The following SRRM4 variants were observed in gnomAD, a reference collection of about 807,000 sequenced individuals.
The protein encoded by SRRM4 is serine/arginine repetitive matrix protein 4.
In SRRM4, 33 loss-of-function variants were observed where a neutral mutation model predicts 68.9. The observed-to-expected ratio is 0.48, with a 90% CI of 0.36 to 0.64. SRRM4 has a LOEUF of 0.64. Ranked by LOEUF, SRRM4 falls within the 30% of genes least tolerant of loss-of-function variation. The probability of loss-of-function intolerance (pLI) is 0.00; values close to 1 mark genes in which losing one functional copy is unlikely to be tolerated. For missense variants in SRRM4, 817 were observed against 827.1 expected, an observed-to-expected ratio of 0.99 and a Z score of 0.15; for synonymous variants, 318 against 318.8, an observed-to-expected ratio of 1.00 and a Z score of 0.03.
At chr12:119,115,465 G>A (rs772076469) in intron 3 of SRRM4, among the ~76,000 whole-genome samples, 3 of 152,186 alleles carry the variant, frequency 2.0e-5, no homozygotes, top group Non-Finnish European at 2.9e-5. Context: ...TTCTGAGGCA[G>A]TATTTATAGA....
At chr12:119,115,376 A>C (rs996133178) in intron 3 of SRRM4, among the ~76,000 whole-genome samples, 4 of 152,180 alleles carry the variant, frequency 2.6e-5, no homozygotes, top group African/African-American at 4.8e-5. Flanking sequence ...ACTAGACTGA[A>C]AGCATCTCTA....
chr12:119,110,876 A>G (rs111828470), intron 2 of SRRM4, among the ~76,000 whole-genome samples: 11,725 of 152,216 alleles, frequency 0.077, 505 homozygotes, highest in Admixed American at 0.1. Context: ...AGTTGGAAAT[A>G]CAGAAATCAC....
At position 119,156,702 on chromosome 12, in the gene SRRM4, C is replaced by T. The variant is rs1398445329; in HGVS notation, c.1740C>T (p.Arg580=). 1.3e-6 allele frequency: 2 copies of T among 1,548,574 alleles called. No individual in the cohort carries two copies. The highest frequency in any genetic ancestry group is 1.7e-6 in the Non-Finnish European group (2 of 1,147,036). ...CCCGCAGCCCTAGTCCGGGCTCCCG[C>T]AGCCGGAGCCGGAGCAGGAGCCGGA... ...SSSRSPSPGS[R]SRSRSRSRSR... Residue 580 remains arginine (R), a synonymous_variant, in exon 13 of 13, where the codon CGC becomes CGT. Coordinates refer to ENST00000267260, the MANE Select transcript of SRRM4 (RefSeq NM_194286.4).
intron 1 of SRRM4, among the ~76,000 whole-genome samples, chr12:119,062,316 G>C (rs556888274): frequency 6.6e-6 from 1 of 152,194 alleles, no homozygotes; most frequent in Non-Finnish European, 1.5e-5. Flanking sequence ...TGAAGAACTA[G>C]GACATTACTG....
chr12:119,075,548 G>A (rs1487097152), intron 1 of SRRM4, among the ~76,000 whole-genome samples: 1 of 148,096 alleles, frequency 6.8e-6, no homozygotes, highest in East Asian at 2.1e-4. Flanking sequence ...AGCAATGATG[G>A]TGATGATGAT....
intron 1 of SRRM4, among the ~76,000 whole-genome samples, chr12:119,052,461 T>C (rs538590160): frequency 1.3e-5 from 2 of 152,314 alleles, no homozygotes; most frequent in East Asian, 3.9e-4. Flanking sequence ...TCCAACCAAG[T>C]ACTGGCATAG....
intron 4 of SRRM4, 107 bp from the exon 5 acceptor site, chr12:119,120,143 C>T (rs1222570722): frequency 1.4e-6 from 1 of 712,680 alleles, no homozygotes; most frequent in Non-Finnish European, 2.3e-6. Flanking sequence ...TTCCTTCCTC[C>T]TTTCTCTCCT....
chr12:118,986,536 T>C (rs1468492320), intron 1 of SRRM4, among the ~76,000 whole-genome samples: 1 of 152,114 alleles, frequency 6.6e-6, no homozygotes, highest in East Asian at 1.9e-4. Flanking sequence ...ACAGATTAGC[T>C]CTCTCCCCAC....
At chr12:119,100,495 A>G (rs1272103088) in intron 1 of SRRM4, among the ~76,000 whole-genome samples, 1 of 152,070 alleles carries the variant, frequency 6.6e-6, no homozygotes, top group African/African-American at 2.4e-5. Context: ...GCCTCAAAAA[A>G]AAAAATGTGT....
At position 119,158,726 on chromosome 12, in the gene SRRM4, T is replaced by A. The variant is rs1486575559; in HGVS notation, c.*1928T>A. 1 of 152,572 alleles carries A rather than the reference T, an allele frequency of 6.6e-6. No homozygotes were observed. Among genetic ancestry groups the A allele is most frequent in the Admixed American group, 6.5e-5 (1 of 15,284 alleles). The allele number at this position is 152,572 out of a possible 1,614,324, so 9.5% of individuals were successfully genotyped here. On this transcript the variant is annotated 3_prime_UTR_variant, in exon 13 of 13. Coordinates refer to ENST00000267260, the MANE Select transcript of SRRM4 (RefSeq NM_194286.4). Reference sequence around the variant, plus strand: ...CAGGAACCCAGACTGGACTTCAGTCTCCCTCCATGGAGACAAAGGCTTCCC... The same window carrying A: ...CAGGAACCCAGACTGGACTTCAGTCACCCTCCATGGAGACAAAGGCTTCCC...
At chr12:119,132,456 G>T (rs1189276068) in intron 8 of SRRM4, 1 of 152,084 alleles carries the variant, frequency 6.6e-6, no homozygotes, top group Non-Finnish European at 1.5e-5. Flanking sequence ...TATTTGTGGT[G>T]GTCCATCTGG....
intron 1 of SRRM4, chr12:118,991,746 G>C (rs1953318122): frequency 6.6e-6 from 1 of 152,232 alleles, no homozygotes; most frequent in South Asian, 2.1e-4. Flanking sequence ...TTGAACCACT[G>C]GGGATGGGGA....
intron 1 of SRRM4, among the ~76,000 whole-genome samples, chr12:119,075,746 GTGGTAA>G (rs1270926718): frequency 1.4e-5 from 2 of 141,230 alleles, no homozygotes; most frequent in Non-Finnish European, 1.5e-5. Context: ...GATGATGATG[GTGGTAA>G]TGATGATGGT....
chr12:119,140,046 C>T (rs540556241), intron 8 of SRRM4, among the ~76,000 whole-genome samples: 66 of 152,282 alleles, frequency 4.3e-4, no homozygotes, highest in Admixed American at 8.5e-4. Context: ...ATTCCAATTA[C>T]ACTCTTTTAG....
chr12:119,092,347 T>G (rs1451736388), intron 1 of SRRM4, among the ~76,000 whole-genome samples: 1 of 152,178 alleles, frequency 6.6e-6, no homozygotes, highest in Non-Finnish European at 1.5e-5. Context: ...TCCAGGCTCA[T>G]GTACCCACTT....
chr12:119,093,201 C>A (rs536187139), intron 1 of SRRM4, among the ~76,000 whole-genome samples: 1 of 152,224 alleles, frequency 6.6e-6, no homozygotes, highest in Admixed American at 6.5e-5. Flanking sequence ...ATTTTCTGCT[C>A]TCTTCCTACC....
chr12:119,050,419 C>T (rs1053566936), intron 1 of SRRM4, among the ~76,000 whole-genome samples: 1 of 152,218 alleles, frequency 6.6e-6, no homozygotes, highest in African/African-American at 2.4e-5. Context: ...GGATTTTGCT[C>T]AGCATAGCTA....
At chr12:119,129,582 CAT>C (rs1954281252) in intron 7 of SRRM4, among the ~76,000 whole-genome samples, 1 of 152,226 alleles carries the variant, frequency 6.6e-6, no homozygotes, top group African/African-American at 2.4e-5. Context: ...CAGACATACA[CAT>C]AGTCACATGA....
At chr12:119,144,625 T>C (rs1050853819) in intron 8 of SRRM4, 2 of 152,204 alleles carry the variant, frequency 1.3e-5, no homozygotes, top group Non-Finnish European at 2.9e-5. Flanking sequence ...AGCTACCTTC[T>C]ACAAGGGGAA....
Sources: allele counts gnomAD v4.1 joint callset (sites outside exome capture counted in the v4.1 genomes callset), GRCh38; gene constraint gnomAD v4.1.1; transcripts MANE v1.5; gene names NCBI Gene and HGNC (gene_info 2026-07-23, HGNC 2026-07-21).